ONECUT1: variants seen among roughly 807,000 people sequenced by gnomAD.
The protein encoded by ONECUT1 is hepatocyte nuclear factor 6.
ONECUT1 carries 12 observed loss-of-function variants against 25.6 expected under a neutral mutation model. That is an observed-to-expected ratio of 0.47 (90% CI 0.30 to 0.76). The LOEUF is 0.76. Among genes scored for constraint, ONECUT1 ranks in the 30% least tolerant of loss-of-function variants. The probability of loss-of-function intolerance (pLI) is 0.07; values close to 1 mark genes in which losing one functional copy is unlikely to be tolerated. For missense variants in ONECUT1, 620 were observed against 651.2 expected, an observed-to-expected ratio of 0.95 and a Z score of 0.52; for synonymous variants, 285 against 270.2, an observed-to-expected ratio of 1.05 and a Z score of -0.54.
At chr15:52,767,634 T>C (rs372328084) in intron 1 of ONECUT1, among the ~76,000 whole-genome samples, 4 of 152,330 alleles carry the variant, frequency 2.6e-5, no homozygotes, top group Admixed American at 2.6e-4. Flanking sequence ...GCTGCGGCCT[T>C]GCGCCTGCTA....
chr15:52,790,060 C>A lies in ONECUT1; in HGVS notation c.-176G>T. On this transcript the variant is annotated 5_prime_UTR_variant, in exon 1 of 2. Transcript: ENST00000305901. ...CTCCGTGTGTGTGTGTCCGTGTGTG[C>A]GTGTGCGTGTGTGTGTGTGTGTGTG... is the stretch of plus-strand genomic sequence containing the variant. The A allele has an allele frequency of 2.1e-6, 2 of 960,830 alleles. No individual in the cohort carries two copies. The highest frequency in any genetic ancestry group is 6.0e-5 in the South Asian group (2 of 33,396). 59.5% of individuals were successfully genotyped at this position (960,830 alleles called of 1,614,324 possible).
rs778574067 is a variant in ONECUT1 at position 52,789,106 on chromosome 15, C to T, written c.779G>A (p.Gly260Asp). Residue 260 changes from glycine (G) to aspartate (D), a missense_variant, in exon 1 of 2, where the codon GGC (glycine) becomes GAC (aspartate). Around this residue, in one of 4 missense-constraint regions of ONECUT1, gnomAD observed 440 missense variants for 404.9 expected, o/e 1.09. Coordinates refer to ENST00000305901, the MANE Select transcript of ONECUT1 (RefSeq NM_004498.4). The surrounding 1 kb of genome is among the most constrained non-coding windows in gnomAD (Gnocchi z 4.1). Reference sequence around the variant, plus strand: ...GGCTGTGCCCAGGAGTTGCCCGTGGCCCTGGGCGTTCAGGTGGGCGTGGGG... The same window carrying T: ...GGCTGTGCCCAGGAGTTGCCCGTGGTCCTGGGCGTTCAGGTGGGCGTGGGG... ...HHPHAHLNAQ[G>D]HGQLLGTARE... The T allele has an allele frequency of 6.2e-6, 10 of 1,601,186 alleles. No individual in the cohort carries two copies. The highest frequency in any genetic ancestry group is 8.5e-6 in the Non-Finnish European group (10 of 1,179,852).
intron 1 of ONECUT1, chr15:52,780,599 A>T (rs1392677781): frequency 6.5e-7 from 1 of 1,535,432 alleles, no homozygotes; most frequent in Non-Finnish European, 8.7e-7. Flanking sequence ...AAATTGCCTT[A>T]ATGAACGATT....
At chr15:52,771,597 G>GTTT (rs35410788) in intron 1 of ONECUT1, among the ~76,000 whole-genome samples, 2 of 150,496 alleles carry the variant, frequency 1.3e-5, no homozygotes, top group African/African-American at 4.9e-5. Flanking sequence ...AGTAATGTCT[G>GTTT]TTTTTTTTTA....
intron 1 of ONECUT1, among the ~76,000 whole-genome samples, chr15:52,770,661 T>G (rs2083761795): frequency 6.6e-6 from 1 of 152,188 alleles, no homozygotes; most frequent in Non-Finnish European, 1.5e-5. Context: ...AGAGTGAGAT[T>G]CACAAGCCGA....
At chr15:52,767,904 G>A (rs2083744215) in intron 1 of ONECUT1, among the ~76,000 whole-genome samples, 2 of 152,120 alleles carry the variant, frequency 1.3e-5, no homozygotes, top group Admixed American at 1.3e-4. Flanking sequence ...GGTTGGAACT[G>A]GACGGTATTA....
chr15:52,781,729 GC>G (rs1469233840), intron 1 of ONECUT1, among the ~76,000 whole-genome samples: 7 of 152,204 alleles, frequency 4.6e-5, no homozygotes, highest in Non-Finnish European at 8.8e-5. Context: ...AAAATCCAAT[GC>G]CCATGTCACG....
intron 1 of ONECUT1, among the ~76,000 whole-genome samples, chr15:52,759,772 T>G (rs1261277266): frequency 7.8e-5 from 7 of 89,396 alleles, no homozygotes; most frequent in African/African-American, 2.6e-4. Flanking sequence ...GGCTAATTTT[T>G]TTGAATTTTT....
At position 52,784,851 on chromosome 15, in the gene ONECUT1, C is replaced by T. The variant is rs1566994374; in HGVS notation, c.1105+3929G>A. ...TCCTTGGTCTCCGTAGGAGGCCATC[C>T]TAGGCCTTCGGAGGAGGCGCTCCCA... On this transcript the variant is annotated intron_variant, in intron 1 of 1. Transcript: ENST00000305901. This position sits in a 1 kb window ranked among gnomAD's most constrained non-coding sequence, Gnocchi z 5.0. Among the ~76,000 whole-genome samples the T allele has an allele frequency of 6.6e-6, 1 of 152,224 alleles. No homozygotes were observed. The highest frequency in any genetic ancestry group is 6.5e-5 in the Admixed American group (1 of 15,290).
chr15:52,770,396 C>CTGGA (rs1324014612), intron 1 of ONECUT1, among the ~76,000 whole-genome samples: 1 of 152,232 alleles, frequency 6.6e-6, no homozygotes, highest in Admixed American at 6.5e-5. Context: ...CTTAAATCAC[C>CTGGA]TGGACATCTT....
chr15:52,789,084 T>G lies in ONECUT1; in HGVS notation c.801A>C (p.Thr267=). ...NAQGHGQLLG[T]AREPNPSVTG... is the part of the protein sequence containing the mutation. ...TCACCGAAGGGTTGGGCTCCCGGGCTGTGCCCAGGAGTTGCCCGTGGCCCT... is the reference window on the plus strand; with the variant it reads ...TCACCGAAGGGTTGGGCTCCCGGGCGGTGCCCAGGAGTTGCCCGTGGCCCT... The change falls in exon 1 of 2, where the codon ACA becomes ACC. Residue 267 remains threonine (T), a synonymous_variant. Coordinates refer to ENST00000305901, the MANE Select transcript of ONECUT1 (RefSeq NM_004498.4). The surrounding 1 kb of genome is among the most constrained non-coding windows in gnomAD (Gnocchi z 4.1). 1 of 1,601,954 alleles carries G rather than the reference T, an allele frequency of 6.2e-7. No homozygotes were observed. The highest frequency in any genetic ancestry group is 8.5e-7 in the Non-Finnish European group (1 of 1,179,948).
intron 1 of ONECUT1, among the ~76,000 whole-genome samples, chr15:52,770,985 A>C (rs985196325): frequency 6.6e-6 from 1 of 152,182 alleles, no homozygotes; most frequent in Non-Finnish European, 1.5e-5. Context: ...TGGGAACATC[A>C]ATTGGAACAA....
At chr15:52,782,170 A>G (rs1162056966) in intron 1 of ONECUT1, among the ~76,000 whole-genome samples, 1 of 152,214 alleles carries the variant, frequency 6.6e-6, no homozygotes, top group African/African-American at 2.4e-5. Flanking sequence ...CCCAGCATCT[A>G]TTAGCTATTA....
intron 1 of ONECUT1, among the ~76,000 whole-genome samples, chr15:52,786,298 C>G (rs911473072): frequency 5.9e-5 from 9 of 152,252 alleles, no homozygotes; most frequent in Non-Finnish European, 1.0e-4. Context: ...GTTCCTGGTT[C>G]CTTGCAGGAG....
chr15:52,764,652 G>A (rs1007371102), intron 1 of ONECUT1, among the ~76,000 whole-genome samples: 1 of 152,198 alleles, frequency 6.6e-6, no homozygotes, highest in African/African-American at 2.4e-5. Flanking sequence ...CGCAGAGAAA[G>A]TGGACTAGAG....
chr15:52,758,226 C>T (rs767546269), intron 1 of ONECUT1, among the ~76,000 whole-genome samples: 1 of 152,106 alleles, frequency 6.6e-6, no homozygotes, highest in Non-Finnish European at 1.5e-5. Context: ...CCTACCTTGC[C>T]GTGTTGTGGT....
chr15:52,782,402 T>G (rs2083847118), intron 1 of ONECUT1, among the ~76,000 whole-genome samples: 1 of 152,224 alleles, frequency 6.6e-6, no homozygotes, highest in South Asian at 2.1e-4. Context: ...ATACTTGTAT[T>G]AAAATAAGAA....
rs1472725355 is a variant in ONECUT1 at position 52,788,993 on chromosome 15, C to T, written c.892G>A (p.Ala298Thr). The T allele has an allele frequency of 1.2e-6, 2 of 1,611,396 alleles. No homozygotes were observed. Among genetic ancestry groups the T allele is most frequent in the African/African-American group, 1.3e-5 (1 of 75,044 alleles). ...QMEEINTKEV[A>T]QRITTELKRY... ...TTGAGCTCGGTGGTGATACGCTGCG[C>T]CACCTCTTTGGTATTGATCTCTTCC... The change falls in exon 1 of 2, where the codon GCG becomes ACG. Residue 298 changes from alanine to threonine, a missense_variant. Transcript: ENST00000305901. The surrounding 1 kb of genome is among the most constrained non-coding windows in gnomAD (Gnocchi z 4.3).
Position 52,789,206 on chromosome 15 carries a change from C to G in ONECUT1, c.679G>C (p.Gly227Arg), listed in dbSNP as rs1259541234. The G allele has an allele frequency of 3.2e-6, 5 of 1,563,322 alleles. No homozygotes were observed. The Admixed American group carries it at 7.0e-5, about 22-fold the overall frequency. Residue 227 changes from glycine to arginine, a missense_variant, in exon 1 of 2, where the codon GGC becomes CGC. Physicochemically the swap from Gly to Arg is moderately radical, Grantham distance 125. Transcript: ENST00000305901. The surrounding 1 kb of genome is among the most constrained non-coding windows in gnomAD (Gnocchi z 4.1). ...GFEAHHPAML[G>R]RHGEQHLTPT... ...GTGAGGTGCTGCTCCCCGTGGCGGC[C>G]GAGCATGGCCGGGTGGTGGGCTTCG...
Sources: allele counts gnomAD v4.1 joint callset (sites outside exome capture counted in the v4.1 genomes callset), GRCh38; gene constraint gnomAD v4.1.1; regional missense constraint gnomAD v4.1.1; non-coding constraint Gnocchi (gnomAD v3.1); transcripts MANE v1.5; gene names NCBI Gene and HGNC (gene_info 2026-07-23, HGNC 2026-07-21).